NCALD: variants seen among roughly 807,000 people sequenced by gnomAD.
NCALD encodes the protein neurocalcin delta.
NCALD carries 10 observed loss-of-function variants against 18.6 expected under a neutral mutation model. The observed-to-expected ratio is 0.54, with a 90% CI of 0.33 to 0.91. The LOEUF (loss-of-function observed/expected upper bound fraction) is 0.91, where lower values mean the gene tolerates loss of function less well. Among genes scored for constraint, NCALD ranks in the 40% least tolerant of loss-of-function variants. NCALD has a pLI of 0.03. For synonymous variants in NCALD, 88 were observed against 87.4 expected (o/e 1.01, Z -0.04); for missense variants, 184 against 247.6 (o/e 0.74, Z 1.72).
chr8:101,750,891 T>C lies in NCALD; in HGVS notation c.-19-31243A>G, dbSNP rs16868333. On this transcript the variant is annotated intron_variant, in intron 1 of 3. Coordinates refer to ENST00000220931, the MANE Select transcript of NCALD (RefSeq NM_032041.3). The stretch of plus-strand genomic sequence containing the variant: ...AAAGAGGTCTCCACCTCTGATGACA[T>C]GCCTTCTGCAGAGTGGCTCTCGTTT... 4.5e-3 allele frequency among the ~76,000 whole-genome samples: 691 copies of C among 152,324 alleles called. 9 individuals carry two copies. The highest frequency in any genetic ancestry group is 0.015 in the African/African-American group (608 of 41,574).
intron 1 of NCALD, among the ~76,000 whole-genome samples, chr8:102,039,676 G>A (rs924199945): frequency 6.6e-6 from 1 of 152,058 alleles, no homozygotes; most frequent in Non-Finnish European, 1.5e-5. Context: ...TAAAACAGGT[G>A]CTATCATTTG....
At chr8:101,966,197 AAAGAG>A (rs1203898879) in intron 2 of NCALD, among the ~76,000 whole-genome samples, 3 of 152,060 alleles carry the variant, frequency 2.0e-5, no homozygotes, top group Non-Finnish European at 2.9e-5. Flanking sequence ...AAAAAAAGAG[AAAGAG>A]AAAAGTTACC....
intron 1 of NCALD, among the ~76,000 whole-genome samples, chr8:101,779,703 T>C (rs1032551343): frequency 4.6e-5 from 7 of 152,184 alleles, no homozygotes; most frequent in Non-Finnish European, 4.4e-5. Flanking sequence ...GATTAGGTTT[T>C]GAATTCTGTT....
chr8:101,862,556 G>A (rs1586651352), intron 4 of NCALD, among the ~76,000 whole-genome samples: 1 of 152,292 alleles, frequency 6.6e-6, no homozygotes, highest in South Asian at 2.1e-4. Flanking sequence ...ATAGTAGCTA[G>A]TGATTAATAT....
At chr8:101,692,533 C>T in intron 3 of NCALD, 1 of 985,424 alleles carries the variant, frequency 1.0e-6, no homozygotes, top group Non-Finnish European at 1.2e-6. Context: ...ATTCTTGCCC[C>T]ACAAGATCCA....
chr8:101,728,098 T>G (rs1237337117), intron 1 of NCALD, among the ~76,000 whole-genome samples: 1 of 152,118 alleles, frequency 6.6e-6, no homozygotes, highest in Non-Finnish European at 1.5e-5. Flanking sequence ...AACAAGGAAC[T>G]ACTATCAGGA....
At chr8:101,741,954 G>GA (rs1810210449) in intron 1 of NCALD, among the ~76,000 whole-genome samples, 4 of 55,798 alleles carry the variant, frequency 7.2e-5, no homozygotes, top group Non-Finnish European at 8.7e-5. Flanking sequence ...AAAAAAAAAA[G>GA]AAAAGAAAAA....
At chr8:101,792,893 T>C (rs1003365803), upstream of NCALD, among the ~76,000 whole-genome samples, 1 of 147,764 alleles carries the variant, frequency 6.8e-6, no homozygotes, top group Admixed American at 6.7e-5. Flanking sequence ...AGTTCTCAGT[T>C]CTAAAAAAAA....
At chr8:102,113,035 G>A (rs1484129871) in intron 1 of NCALD, among the ~76,000 whole-genome samples, 4 of 151,948 alleles carry the variant, frequency 2.6e-5, no homozygotes, top group African/African-American at 9.7e-5. Flanking sequence ...TTATAGCAAC[G>A]CAAAATGGAC....
At chr8:101,933,654 C>T (rs967572205) in intron 2 of NCALD, among the ~76,000 whole-genome samples, 2 of 152,206 alleles carry the variant, frequency 1.3e-5, no homozygotes, top group African/African-American at 4.8e-5. Context: ...CTTTGCTCTT[C>T]CCTGACAACC....
At chr8:101,908,858 A>C (rs1817696143) in intron 3 of NCALD, among the ~76,000 whole-genome samples, 1 of 152,204 alleles carries the variant, frequency 6.6e-6, no homozygotes, top group Admixed American at 6.5e-5. Context: ...ATTTTGGATT[A>C]GGCTCCTGCA....
At chr8:101,941,536 C>T (rs1818956943) in intron 2 of NCALD, among the ~76,000 whole-genome samples, 1 of 152,194 alleles carries the variant, frequency 6.6e-6, no homozygotes, top group Non-Finnish European at 1.5e-5. Flanking sequence ...TTCATTCATT[C>T]ACTATATGTA....
In NCALD at chr8:101,688,747, A is replaced by G. The variant is rs1039037583; in HGVS notation, c.*562T>C. ...TCTGTTAATTTATCTTGAAATGTTC[A>G]CAGCTTAGAAACTACAGCCTGCTGG... On this transcript the variant is annotated 3_prime_UTR_variant, in exon 4 of 4. Transcript: ENST00000220931. 1.1e-5 allele frequency: 6 copies of G among 535,184 alleles called. No individual in the cohort carries two copies. The highest frequency in any genetic ancestry group is 2.1e-5 in the Non-Finnish European group (6 of 279,266). The allele number at this position is 535,184 out of a possible 1,614,324, so 33.2% of individuals were successfully genotyped here.
chr8:102,093,243 C>T (rs1339402960), intron 1 of NCALD, among the ~76,000 whole-genome samples: 15 of 151,944 alleles, frequency 9.9e-5, no homozygotes, highest in Non-Finnish European at 1.9e-4. Context: ...ATCCTAGGTG[C>T]TCTACAAAGA....
chr8:101,970,370 G>A (rs567269328), intron 2 of NCALD, among the ~76,000 whole-genome samples: 1 of 152,140 alleles, frequency 6.6e-6, no homozygotes, highest in African/African-American at 2.4e-5. Context: ...TTGTAATAGT[G>A]CTATAATAAC....
At chr8:101,804,729 C>A (rs898372834) in intron 4 of NCALD, among the ~76,000 whole-genome samples, 3 of 145,294 alleles carry the variant, frequency 2.1e-5, no homozygotes, top group Non-Finnish European at 4.5e-5. Flanking sequence ...AAATATAATG[C>A]TTTTAAAAAC....
At chr8:101,838,668 T>C (rs1012113304) in intron 4 of NCALD, among the ~76,000 whole-genome samples, 2 of 152,234 alleles carry the variant, frequency 1.3e-5, no homozygotes, top group African/African-American at 2.4e-5. Context: ...ATCATTGAAA[T>C]TGAAGTCTCA....
At chr8:102,084,342 G>A (rs1379273081) in intron 1 of NCALD, among the ~76,000 whole-genome samples, 3 of 152,306 alleles carry the variant, frequency 2.0e-5, no homozygotes, top group East Asian at 1.9e-4. Context: ...TTGACTGAGG[G>A]GCATAAGGCA....
chr8:101,735,949 A>AT (rs1052469763), intron 1 of NCALD, among the ~76,000 whole-genome samples: 1 of 152,130 alleles, frequency 6.6e-6, no homozygotes, highest in Admixed American at 6.5e-5. Flanking sequence ...GTTTGACTCA[A>AT]TTTTTTGATG....
Sources: gnomAD v4.1 joint callset for allele counts (sites outside exome capture counted in the v4.1 genomes callset) on GRCh38, gnomAD v4.1.1 for gene constraint, MANE v1.5 for transcripts, NCBI Gene and HGNC (gene_info 2026-07-23, HGNC 2026-07-21) for gene names.